Variants in CDH26 observed in about 807,000 individuals in gnomAD.
The protein encoded by CDH26 is cadherin 26, also known as cadherin-like protein 26.
CDH26 carries 83 observed loss-of-function variants against 90.3 expected under a neutral mutation model. The ratio of observed to expected loss-of-function variants is 0.92; its 90% CI spans 0.77 to 1.10. CDH26 has a LOEUF of 1.10. CDH26 is among the 50% of genes least tolerant of loss of function. The pLI, the probability that CDH26 is intolerant of heterozygous loss-of-function variation, is 0.00. For missense variants in CDH26, 1,013 were observed against 1,037.6 expected (o/e 0.98, Z 0.33); for synonymous variants, 397 against 396.3 (o/e 1.00, Z -0.02).
At chr20:59,988,828 A>T in intron 8 of CDH26, 76 bp from the exon 9 acceptor site, 1 of 1,537,888 alleles carries the variant, frequency 6.5e-7, no homozygotes, top group Non-Finnish European at 8.8e-7. Flanking sequence ...TGAGTTTGCA[A>T]TGATGACTCG....
intron 4 of CDH26, among the ~76,000 whole-genome samples, chr20:59,981,991 G>A (rs555828540): frequency 1.3e-4 from 20 of 152,062 alleles, no homozygotes; most frequent in South Asian, 8.3e-4. Context: ...GAAAGTTTTC[G>A]TAGTTTTTCT....
intron 13 of CDH26, among the ~76,000 whole-genome samples, chr20:59,999,216 G>A (rs1218024072): frequency 6.6e-6 from 1 of 152,090 alleles, no homozygotes; most frequent in Non-Finnish European, 1.5e-5. Context: ...AAATGAATGG[G>A]ACAATGCACA....
downstream of CDH26, among the ~76,000 whole-genome samples, chr20:60,017,630 T>C (rs1344030057): frequency 6.6e-6 from 1 of 152,082 alleles, no homozygotes; most frequent in Admixed American, 6.5e-5. Context: ...CTTTATTATT[T>C]CTTTCCTTCT....
intron 3 of CDH26, among the ~76,000 whole-genome samples, chr20:59,970,605 T>G (rs974290413): frequency 7.9e-5 from 12 of 151,208 alleles, no homozygotes; most frequent in African/African-American, 2.9e-4. Context: ...GATCAGGAGA[T>G]CGAGCCCATC....
Position 59,999,623 on chromosome 20 carries a change from T to C in CDH26, c.2057T>C (p.Leu686Pro), listed in dbSNP as rs377514833. 3 of 1,614,212 alleles carry C rather than the reference T, an allele frequency of 1.9e-6. No individual in the cohort carries two copies. Among genetic ancestry groups the C allele is most frequent in the African/African-American group, 1.3e-5 (1 of 75,068 alleles). The change falls in exon 14 of 18, where the codon CTC becomes CCC. Residue 686 changes from leucine (L) to proline (P), a missense_variant. Coordinates refer to ENST00000348616, the MANE Select transcript of CDH26 (RefSeq NM_177980.4). ...SDVEGQRPAL[L>P]ICTAAAGPTQ... ...GTTGAAGGCCAGAGGCCGGCTCTGC[T>C]CATCTGCACAGCTGCAGCAGGACCC...
intron 10 of CDH26, among the ~76,000 whole-genome samples, chr20:59,993,137 GC>G (rs1381207985): frequency 6.6e-6 from 1 of 152,172 alleles, no homozygotes; most frequent in African/African-American, 2.4e-5. Context: ...TTGGCGGGGG[GC>G]AATGGAGATA....
chr20:60,018,098 G>A (rs1190066568), downstream of CDH26, among the ~76,000 whole-genome samples: 3 of 152,184 alleles, frequency 2.0e-5, no homozygotes, highest in East Asian at 3.9e-4. Context: ...TGAGTGAAAT[G>A]TTCTGTAAAG....
chr20:59,972,215 C>A, intron 4 of CDH26, 92 bp downstream of exon 4: 1 of 1,225,052 alleles, frequency 8.2e-7, no homozygotes, highest in South Asian at 1.5e-5. Context: ...GACTATGTGC[C>A]AGGTTCCGGG....
chr20:60,001,509 T>C (rs2061676998), intron 15 of CDH26, 98 bp downstream of exon 15: 2 of 1,509,500 alleles, frequency 1.3e-6, no homozygotes, highest in South Asian at 1.3e-5. Flanking sequence ...TCGGTGATAC[T>C]GTCAGAAAAA....
At chr20:60,010,978 C>T (rs1015806083) in intron 17 of CDH26, among the ~76,000 whole-genome samples, 4 of 152,142 alleles carry the variant, frequency 2.6e-5, no homozygotes, top group Non-Finnish European at 5.9e-5. Context: ...TCCCTGACAT[C>T]CCTATTTCAT....
intron 1 of CDH26, among the ~76,000 whole-genome samples, chr20:59,965,431 A>G (rs965163362): frequency 2.0e-5 from 3 of 152,240 alleles, no homozygotes; most frequent in Admixed American, 6.5e-5. Context: ...AATTCATTGG[A>G]CATAACCATA....
At chr20:59,985,274 G>T in intron 7 of CDH26, 145 bp downstream of exon 7, 1 of 1,043,856 alleles carries the variant, frequency 9.6e-7, no homozygotes, top group South Asian at 1.7e-5. Flanking sequence ...ATAAAGAAAA[G>T]AGGTTTAATT....
intron 2 of CDH26, among the ~76,000 whole-genome samples, chr20:59,969,244 A>G (rs2061218463): frequency 6.6e-6 from 1 of 152,216 alleles, no homozygotes; most frequent in Non-Finnish European, 1.5e-5. Context: ...GTGAACATCA[A>G]AATTCAACTG....
intron 16 of CDH26, among the ~76,000 whole-genome samples, chr20:60,004,765 C>CAAAAAAAA (rs140015980): frequency 2.1e-5 from 1 of 48,130 alleles, no homozygotes; most frequent in Non-Finnish European, 5.5e-5. Flanking sequence ...GACTCCATCT[C>CAAAAAAAA]AAAAAAAAAA....
rs907700006 is a variant in CDH26 at position 60,014,039 on chromosome 20, T to G, written c.*1309T>G. On this transcript the variant is annotated 3_prime_UTR_variant, in exon 18 of 18. Coordinates refer to ENST00000348616, the MANE Select transcript of CDH26 (RefSeq NM_177980.4). Reference sequence around the variant, plus strand: ...TTTTTTTTTTTAAGAAAAATACATGTTTTTGGACAACAAAACAAAGTAAAC... The same window carrying G: ...TTTTTTTTTTTAAGAAAAATACATGGTTTTGGACAACAAAACAAAGTAAAC... 1.3e-5 allele frequency: 2 copies of G among 152,036 alleles called. No individual in the cohort carries two copies. The highest frequency in any genetic ancestry group is 4.8e-5 in the African/African-American group (2 of 41,396). 9.4% of individuals were successfully genotyped at this position (152,036 alleles called of 1,614,324 possible).
Position 60,030,009 on chromosome 20 carries a change from G to A in CDH26, c.948-1222G>A, listed in dbSNP as rs1296971011. 6.6e-6 allele frequency among the ~76,000 whole-genome samples: 1 copy of A among 152,156 alleles called. No individual in the cohort carries two copies. Among genetic ancestry groups the A allele is most frequent in the East Asian group, 1.9e-4 (1 of 5,198 alleles). ...AGAGACAAGAGATTCAGTCTTCACT[G>A]AGGTTGAAAAACAAGGAAGGGAGAA... On this transcript the variant is annotated intron_variant, in intron 7 of 8. Coordinates refer to the CDH26 transcript ENST00000370991. This position sits in a 1 kb window ranked among gnomAD's most constrained non-coding sequence, Gnocchi z 4.0.
At chr20:59,999,478 G>T in intron 13 of CDH26, 108 bp from the exon 14 acceptor site, 1 of 865,172 alleles carries the variant, frequency 1.2e-6, no homozygotes. Context: ...TTCTGTGATG[G>T]CATAGATACA....
intron 4 of CDH26, among the ~76,000 whole-genome samples, chr20:59,976,832 G>A (rs868342773): frequency 1.1e-4 from 16 of 152,150 alleles, no homozygotes; most frequent in African/African-American, 3.6e-4. Flanking sequence ...GCAGGGAAAG[G>A]GGGCTCAGGC....
At chr20:60,034,763 GTTTTAC>G (rs2062071074), downstream of CDH26, among the ~76,000 whole-genome samples, 1 of 152,172 alleles carries the variant, frequency 6.6e-6, no homozygotes, top group Non-Finnish European at 1.5e-5. Context: ...GGCCCTGTCT[GTTTTAC>G]TTTCTGAAAG....
Sources: allele counts gnomAD v4.1 joint callset (sites outside exome capture counted in the v4.1 genomes callset), GRCh38; gene constraint gnomAD v4.1.1; non-coding constraint Gnocchi (gnomAD v3.1); transcripts MANE v1.5; gene names NCBI Gene and HGNC (gene_info 2026-07-23, HGNC 2026-07-21).